The following KMT2B variants were observed in gnomAD, a reference collection of about 807,000 sequenced individuals.
KMT2B encodes the protein histone-lysine N-methyltransferase 2B.
A neutral mutation model predicts 255.3 loss-of-function variants in KMT2B; 22 were observed. The ratio of observed to expected loss-of-function variants is 0.09; its 90% CI spans 0.06 to 0.12. The LOEUF (loss-of-function observed/expected upper bound fraction) is 0.12, where lower values mean the gene tolerates loss of function less well. Ranked by LOEUF, KMT2B falls within the 10% of genes least tolerant of loss-of-function variation. KMT2B has a pLI of 1.00. For synonymous variants in KMT2B, 1,730 were observed against 1,498.1 expected, an observed-to-expected ratio of 1.15 and a Z score of -3.57; for missense variants, 3,149 against 3,737.0, an observed-to-expected ratio of 0.84 and a Z score of 4.10.
intron 30 of KMT2B, among the ~76,000 whole-genome samples, chr19:35,734,696 C>T (rs564643094): frequency 1.1e-4 from 16 of 152,276 alleles, no homozygotes; most frequent in African/African-American, 3.9e-4. Context: ...TGATGGACTC[C>T]TTGAAGCTGG....
chr19:35,725,448 C>G lies in KMT2B; in HGVS notation c.3643-31C>G. ...CTTGGCCCTCTGGCCTCATGCTATG[C>G]CCATCATTCACTCCTTTACCCTGTC... On this transcript the variant is annotated intron_variant, in intron 11 of 36. Transcript: ENST00000420124. The surrounding 1 kb of genome is among the most constrained non-coding windows in gnomAD (Gnocchi z 4.1). 6.2e-7 allele frequency: 1 copy of G among 1,606,960 alleles called. No individual in the cohort carries two copies.
In KMT2B at chr19:35,732,050, T is replaced by A; in HGVS notation, c.5580T>A (p.Phe1860Leu). The A allele has an allele frequency of 1.2e-6, 2 of 1,612,382 alleles. No individual in the cohort carries two copies. Among genetic ancestry groups the A allele is most frequent in the Non-Finnish European group, 1.7e-6 (2 of 1,179,276 alleles). Residue 1860 changes from phenylalanine (F) to leucine (L), a missense_variant, in exon 27 of 37, where the codon TTT (phenylalanine) becomes TTA (leucine). By Grantham distance (22) the Phe-to-Leu change is conservative (BLOSUM62 0). This residue lies in a region of KMT2B where 897 missense variants were observed against 825.3 expected (regional missense o/e 1.09). Coordinates refer to ENST00000420124, the MANE Select transcript of KMT2B (RefSeq NM_014727.3). ...GSAPPPAPRS[F>L]SGARIKVPNY... The stretch of plus-strand genomic sequence containing the variant: ...CCCCTCCTCCAGCCCCCCGTTCTTT[T>A]TCGGGGGCTCGAATCAAAGTGCCCA...
In KMT2B at chr19:35,725,465, T is replaced by C; in HGVS notation, c.3643-14T>C. On this transcript the variant is annotated splice_polypyrimidine_tract_variant and intron_variant, in intron 11 of 36. Coordinates refer to ENST00000420124, the MANE Select transcript of KMT2B (RefSeq NM_014727.3). This position sits in a 1 kb window ranked among gnomAD's most constrained non-coding sequence, Gnocchi z 4.1. Reference sequence around the variant, plus strand: ...ATGCTATGCCCATCATTCACTCCTTTACCCTGTCCCCAGCTGGTGTTCTGT... The same window carrying C: ...ATGCTATGCCCATCATTCACTCCTTCACCCTGTCCCCAGCTGGTGTTCTGT... 1 of 1,609,810 alleles carries C rather than the reference T, an allele frequency of 6.2e-7. No individual in the cohort carries two copies. The highest frequency in any genetic ancestry group is 1.1e-5 in the South Asian group (1 of 91,086).
chr19:35,721,907 G>A, intron 3 of KMT2B, 103 bp downstream of exon 3: 1 of 1,413,820 alleles, frequency 7.1e-7, no homozygotes, highest in Non-Finnish European at 9.3e-7. Flanking sequence ...AGCATTGCGG[G>A]GAACCCTCAG....
In KMT2B at chr19:35,730,627, G is replaced by C; in HGVS notation, c.5276+11G>C. ...CCCCATTGGCTACCAGTGAGCGGTC[G>C]GGGTGATCCATGGGGCCAGGGGACT... On this transcript the variant is annotated intron_variant, in intron 25 of 36. Transcript: ENST00000420124. The C allele has an allele frequency of 1.2e-6, 2 of 1,613,886 alleles. No homozygotes were observed. The highest frequency in any genetic ancestry group is 2.2e-5 in the East Asian group (1 of 44,872).
intron 2 of KMT2B, 102 bp from the exon 3 acceptor site, chr19:35,719,682 G>T: frequency 6.6e-7 from 1 of 1,520,648 alleles, no homozygotes. Context: ...CTGGGCAGCG[G>T]GGGAAACACA....
rs369542583 is a variant in KMT2B at position 35,732,279 on chromosome 19, C to T, written c.5730C>T (p.Pro1910=). ...GAGACCCGGACTTCCCAGCTCCCCC[C>T]AGACGTTCCCGTCGTCCCAGCCCTT... ...TVGDPDFPAP[P]RRSRRPSPLA... Residue 1910 remains proline, a synonymous_variant, in exon 28 of 37, where the codon CCC becomes CCT. Transcript: ENST00000420124. 1.1e-5 allele frequency: 18 copies of T among 1,610,420 alleles called. No homozygotes were observed. In the African/African-American group the frequency reaches 1.3e-4, roughly 12 times the overall value.
chr19:35,722,722 G>T lies in KMT2B; in HGVS notation c.2722+4G>T. On this transcript the variant is annotated splice_donor_region_variant and intron_variant, in intron 5 of 36. Transcript: ENST00000420124. The stretch of plus-strand genomic sequence containing the variant: ...CGGCAGGACCTCGCCACAGAGGGTA[G>T]GTGGGGAGACTGGACAGCCATGTCA... 6.3e-7 allele frequency: 1 copy of T among 1,587,252 alleles called. No homozygotes were observed. Among genetic ancestry groups the T allele is most frequent in the African/African-American group, 1.3e-5 (1 of 74,442 alleles).
Position 35,737,699 on chromosome 19 carries a change from C to T in KMT2B, c.7614C>T (p.Ala2538=), listed in dbSNP as rs748574578. The change falls in exon 34 of 37, where the codon GCC becomes GCT. Residue 2538 remains alanine, a synonymous_variant. Coordinates refer to ENST00000420124, the MANE Select transcript of KMT2B (RefSeq NM_014727.3). This position sits in a 1 kb window ranked among gnomAD's most constrained non-coding sequence, Gnocchi z 5.3. The part of the protein sequence containing the change: ...ASQHRVLPEG[A]TCDEEEDEVQ... ...AGCACCGGGTGCTCCCTGAGGGGGC[C>T]ACCTGTGATGAGGAAGAGGATGAGG... The T allele has an allele frequency of 2.5e-6, 4 of 1,584,424 alleles. No homozygotes were observed. The highest frequency in any genetic ancestry group is 3.4e-6 in the Non-Finnish European group (4 of 1,165,174).
chr19:35,719,107 C>T (rs566271280), intron 1 of KMT2B, among the ~76,000 whole-genome samples: 2 of 152,076 alleles, frequency 1.3e-5, no homozygotes, highest in Non-Finnish European at 2.9e-5. Context: ...AATTGTGGCC[C>T]GAAAGGGTGT....
Position 35,718,288 on chromosome 19 carries a change from G to A in KMT2B, c.270G>A (p.Gln90=), listed in dbSNP as rs1969033936. 5 of 1,225,666 alleles carry A rather than the reference G, an allele frequency of 4.1e-6. No individual in the cohort carries two copies. Among genetic ancestry groups the A allele is most frequent in the Non-Finnish European group, 5.1e-6 (5 of 975,272 alleles). The allele number at this position is 1,225,666 out of a possible 1,614,324, so 75.9% of individuals were successfully genotyped here. A position where few individuals can be genotyped will look rare whatever the true frequency, so the allele number is the denominator to read the frequency against. ...LRRLWAGPRV[Q]RGRGRGRGRG... ...GCCTGTGGGCCGGCCCGCGGGTCCA[G>A]CGGGGCCGGGGACGGGGTCGGGGCC... Residue 90 remains glutamine, a synonymous_variant, in exon 1 of 37, where the codon CAG becomes CAA. Coordinates refer to ENST00000420124, the MANE Select transcript of KMT2B (RefSeq NM_014727.3). This position sits in a 1 kb window ranked among gnomAD's most constrained non-coding sequence, Gnocchi z 5.0.
chr19:35,727,205 G>A lies in KMT2B; in HGVS notation c.4053G>A (p.Glu1351=). The A allele has an allele frequency of 3.7e-6, 6 of 1,613,694 alleles. No homozygotes were observed. Among genetic ancestry groups the A allele is most frequent in the Non-Finnish European group, 4.2e-6 (5 of 1,179,814 alleles). ...GCTGCTATGAAGACAACGACTATGAGAGCAAGATGATGCAGTGCGCACAGT... is the reference window on the plus strand; with the variant it reads ...GCTGCTATGAAGACAACGACTATGAAAGCAAGATGATGCAGTGCGCACAGT... ...CTRCYEDNDY[E]SKMMQCAQCD... is the part of the protein sequence containing the mutation. Residue 1351 remains glutamate (E), a synonymous_variant, in exon 15 of 37, where the codon GAG becomes GAA. Transcript: ENST00000420124. The surrounding 1 kb of genome is among the most constrained non-coding windows in gnomAD (Gnocchi z 4.2).
In KMT2B at chr19:35,729,028, C is replaced by T. The variant is rs1969580904; in HGVS notation, c.4731C>T (p.Asp1577=). 5.6e-6 allele frequency: 9 copies of T among 1,613,880 alleles called. No individual in the cohort carries two copies. The highest frequency in any genetic ancestry group is 7.6e-6 in the Non-Finnish European group (9 of 1,179,898). The change falls in exon 21 of 37, where the codon GAC becomes GAT. Residue 1577 remains aspartate (D), a synonymous_variant. Transcript: ENST00000420124. ...KDPAAFSHLE[D]PRQCALCLKY... is the part of the protein sequence containing the mutation. ...CGGCTGCCTTCTCACACCTGGAGGA[C>T]CCCCGTCAGTGTGCACTCTGCCTCA...
chr19:35,733,313 C>A lies in KMT2B; in HGVS notation c.6764C>A (p.Pro2255Gln). ...VVGVVRPAPP[P>Q]PPPPLTLVLS... ...GGAGTGGTCCGCCCTGCCCCGCCCC[C>A]GCCACCCCCTCCCCTGACGCTGGTG... is the stretch of plus-strand genomic sequence containing the variant. Residue 2255 changes from proline to glutamine, a missense_variant, in exon 28 of 37, where the codon CCG (proline) becomes CAG (glutamine). Pro to Gln is a moderately conservative substitution (Grantham distance 76, BLOSUM62 -1). Transcript: ENST00000420124. This position sits in a 1 kb window ranked among gnomAD's most constrained non-coding sequence, Gnocchi z 4.3. 1 of 1,466,552 alleles carries A rather than the reference C, an allele frequency of 6.8e-7. No individual in the cohort carries two copies. The allele number at this position is 1,466,552 out of a possible 1,614,324, so 90.8% of individuals were successfully genotyped here. A position where few individuals can be genotyped will look rare whatever the true frequency, so the allele number is the denominator to read the frequency against.
chr19:35,734,179 A>C (rs1969832872), intron 30 of KMT2B, among the ~76,000 whole-genome samples: 1 of 152,014 alleles, frequency 6.6e-6, no homozygotes, highest in African/African-American at 2.4e-5. Flanking sequence ...AGAGTAGCCA[A>C]AGGTGAAGTT....
In KMT2B at chr19:35,718,243, G is replaced by A; in HGVS notation, c.225G>A (p.Arg75=). 5 of 1,194,630 alleles carry A rather than the reference G, an allele frequency of 4.2e-6. No individual in the cohort carries two copies. The highest frequency in any genetic ancestry group is 5.2e-6 in the Non-Finnish European group (5 of 957,544). 74.0% of individuals were successfully genotyped at this position (1,194,630 alleles called of 1,614,324 possible). The change falls in exon 1 of 37, where the codon CGG becomes CGA. Residue 75 remains arginine (R), a synonymous_variant. Coordinates refer to ENST00000420124, the MANE Select transcript of KMT2B (RefSeq NM_014727.3). The surrounding 1 kb of genome is among the most constrained non-coding windows in gnomAD (Gnocchi z 5.0). ...TGCTCCGTTTGCTGGGGCTCCGCCG[G>A]GGCCTGCGCCGGCTCCGCCGCCTGT... The part of the protein sequence containing the change: ...TALLRLLGLR[R]GLRRLRRLWA...
chr19:35,737,041 A>G lies in KMT2B; in HGVS notation c.7373-45A>G, dbSNP rs149446285. ...AGCTGGATGTCTCCCCGAGGGCACC[A>G]TGGGCCCTCCACATGACAGGTGTGT... On this transcript the variant is annotated intron_variant, in intron 32 of 36. Coordinates refer to ENST00000420124, the MANE Select transcript of KMT2B (RefSeq NM_014727.3). The surrounding 1 kb of genome is among the most constrained non-coding windows in gnomAD (Gnocchi z 5.3). 2.5e-4 allele frequency: 398 copies of G among 1,609,380 alleles called. 7 individuals carry two copies. The East Asian group carries it at 8.8e-3, about 36-fold the overall frequency.
chr19:35,727,361 C>T lies in KMT2B; in HGVS notation c.4118-77C>T. 2 of 1,584,438 alleles carry T rather than the reference C, an allele frequency of 1.3e-6. No individual in the cohort carries two copies. Among genetic ancestry groups the T allele is most frequent in the South Asian group, 2.2e-5 (2 of 90,480 alleles). On this transcript the variant is annotated intron_variant, in intron 15 of 36. Transcript: ENST00000420124. The surrounding 1 kb of genome is among the most constrained non-coding windows in gnomAD (Gnocchi z 4.2). Reference sequence around the variant, plus strand: ...CCAAGAGGACTGGTGGGCTAAGGGTCCTTGCTGGCCTAGGGGCTGCTGGGA... The same window carrying T: ...CCAAGAGGACTGGTGGGCTAAGGGTTCTTGCTGGCCTAGGGGCTGCTGGGA...
Position 35,718,821 on chromosome 19 carries a change from C to T in KMT2B, c.363+440C>T, listed in dbSNP as rs769508940. Among the ~76,000 whole-genome samples, 21 of 152,182 alleles carry T rather than the reference C, an allele frequency of 1.4e-4. No homozygotes were observed. The highest frequency in any genetic ancestry group is 3.1e-4 in the Non-Finnish European group (21 of 68,038). ...CCTGGTTTCTCCAGGGCCCCAGTTT[C>T]TCTTGGCATCTCAGGTAGAGTGGTG... On this transcript the variant is annotated intron_variant, in intron 1 of 36. Transcript: ENST00000420124. The surrounding 1 kb of genome is among the most constrained non-coding windows in gnomAD (Gnocchi z 5.0).
Sources: gnomAD v4.1 joint callset for allele counts (sites outside exome capture counted in the v4.1 genomes callset) on GRCh38, gnomAD v4.1.1 for gene constraint, gnomAD v4.1.1 regional missense constraint, Gnocchi (gnomAD v3.1) non-coding constraint, MANE v1.5 for transcripts, NCBI Gene and HGNC (gene_info 2026-07-23, HGNC 2026-07-21) for gene names.